The following SLIT2 variants were observed in gnomAD, a reference collection of about 807,000 sequenced individuals.
SLIT2 encodes the protein slit guidance ligand 2, also known as slit homolog 2 protein.
In SLIT2, 41 loss-of-function variants were observed where a neutral mutation model predicts 185.7. The ratio of observed to expected loss-of-function variants is 0.22; its 90% CI spans 0.17 to 0.29. SLIT2 has a LOEUF of 0.29. SLIT2 is among the 10% of genes least tolerant of loss of function. SLIT2 has a pLI of 1.00. For missense variants in SLIT2, 1,571 were observed against 1,909.0 expected (o/e 0.82, Z 3.30); for synonymous variants, 693 against 680.2 (o/e 1.02, Z -0.29).
At chr4:20,270,301 C>T (rs1394295162) in intron 4 of SLIT2, among the ~76,000 whole-genome samples, 1 of 151,818 alleles carries the variant, frequency 6.6e-6, no homozygotes, top group African/African-American at 2.4e-5. Context: ...TTTAAGGAAT[C>T]GACTTGGATT....
At chr4:20,494,772 C>T (rs139052113) in intron 9 of SLIT2, among the ~76,000 whole-genome samples, 1,613 of 146,488 alleles carry the variant, frequency 0.011, 20 homozygotes, top group African/African-American at 0.026. Flanking sequence ...AGCTAGACTC[C>T]GTCTCAAAAA....
intron 11 of SLIT2, among the ~76,000 whole-genome samples, chr4:20,516,807 A>C (rs767189796): frequency 1.1e-4 from 16 of 151,982 alleles, no homozygotes; most frequent in Admixed American, 2.6e-4. Context: ...TTTCTTTATT[A>C]TTTTTATGGT....
rs1327279820 is a variant in SLIT2 at position 20,252,583 on chromosome 4, G to C, written c.-1233G>C. Among the ~76,000 whole-genome samples the C allele has an allele frequency of 2.0e-5, 3 of 152,332 alleles. 1 individual carries two copies. In the Middle Eastern group the frequency reaches 0.01, roughly 518 times the overall value. On this transcript the variant is annotated 5_prime_UTR_variant, in exon 1 of 37. Transcript: ENST00000504154. Reference sequence around the variant, plus strand: ...GACGAACCACTAGTGGGAGACCGCCGGGGGCCGGCCGTGGCTCTGCGCCCT... The same window carrying C: ...GACGAACCACTAGTGGGAGACCGCCCGGGGCCGGCCGTGGCTCTGCGCCCT...
chr4:20,589,827 C>G, intron 30 of SLIT2, 90 bp downstream of exon 30: 1 of 828,944 alleles, frequency 1.2e-6, no homozygotes, highest in Non-Finnish European at 2.0e-6. Context: ...TAGCTTCACA[C>G]CTCTGCTCAG....
At chr4:20,433,635 TA>T (rs36088157) in intron 4 of SLIT2, among the ~76,000 whole-genome samples, 1 of 152,184 alleles carries the variant, frequency 6.6e-6, no homozygotes, top group South Asian at 2.1e-4. Flanking sequence ...ACTAACCTCT[TA>T]AAAAGGGAAT....
intron 4 of SLIT2, among the ~76,000 whole-genome samples, chr4:20,452,980 T>C (rs1712644609): frequency 2.0e-5 from 3 of 152,218 alleles, no homozygotes; most frequent in Admixed American, 6.5e-5. Context: ...TGCCCAACTC[T>C]CTTTTACATA....
At chr4:20,307,353 C>T (rs1001549907) in intron 4 of SLIT2, among the ~76,000 whole-genome samples, 12 of 150,898 alleles carry the variant, frequency 8.0e-5, no homozygotes, top group Non-Finnish European at 1.2e-4. Flanking sequence ...GCCTTGAATT[C>T]CTGGACTCAA....
chr4:20,314,756 A>G (rs550778828), intron 4 of SLIT2, among the ~76,000 whole-genome samples: 92 of 152,274 alleles, frequency 6.0e-4, no homozygotes, highest in Non-Finnish European at 1.1e-3. Flanking sequence ...TGAAAAAATG[A>G]TGTTAACAGG....
At chr4:20,378,552 A>T (rs751929939) in intron 4 of SLIT2, among the ~76,000 whole-genome samples, 2 of 152,176 alleles carry the variant, frequency 1.3e-5, no homozygotes, top group Non-Finnish European at 2.9e-5. Flanking sequence ...TCATCTATAT[A>T]GTTATCACAT....
chr4:20,383,031 A>G (rs1254574777), intron 4 of SLIT2, among the ~76,000 whole-genome samples: 1 of 152,212 alleles, frequency 6.6e-6, no homozygotes, highest in Non-Finnish European at 1.5e-5. Context: ...TCAAGAAATT[A>G]CCAAAGTAAT....
At chr4:20,430,745 G>T (rs775119628) in intron 4 of SLIT2, among the ~76,000 whole-genome samples, 4 of 152,128 alleles carry the variant, frequency 2.6e-5, no homozygotes, top group Non-Finnish European at 4.4e-5. Flanking sequence ...ATGGGGCCTC[G>T]TATTCTCATT....
chr4:20,348,862 C>G (rs1721646649), intron 4 of SLIT2, among the ~76,000 whole-genome samples: 1 of 152,180 alleles, frequency 6.6e-6, no homozygotes, highest in African/African-American at 2.4e-5. Context: ...GGCACTTTCA[C>G]AGAAATCCCA....
At chr4:20,487,745 A>G (rs1229054846) in intron 7 of SLIT2, among the ~76,000 whole-genome samples, 3 of 152,156 alleles carry the variant, frequency 2.0e-5, no homozygotes, top group Non-Finnish European at 4.4e-5. Context: ...TGTGTTCCTT[A>G]TCTATAAGCT....
At chr4:20,545,388 C>A (rs1723158088) in intron 21 of SLIT2, among the ~76,000 whole-genome samples, 1 of 151,810 alleles carries the variant, frequency 6.6e-6, no homozygotes, top group East Asian at 1.9e-4. Context: ...AACCTATTTT[C>A]TGATTATTCT....
At chr4:20,454,903 AT>A (rs976873589) in intron 4 of SLIT2, among the ~76,000 whole-genome samples, 2 of 152,144 alleles carry the variant, frequency 1.3e-5, no homozygotes, top group African/African-American at 4.8e-5. Flanking sequence ...ACACCATTAC[AT>A]TCTACCTTTT....
rs556408496 is a variant in SLIT2 at position 20,260,945 on chromosome 4, C to T, written c.323+3006C>T. Among the ~76,000 whole-genome samples, 5 of 150,952 alleles carry T rather than the reference C, an allele frequency of 3.3e-5. No homozygotes were observed. In the East Asian group the frequency reaches 9.7e-4, roughly 29 times the overall value. ...TCCTTACCTCTCTAACTAGCTCCTT[C>T]CCTCCCCTCTCCTCCATTCTCTTAC... On this transcript the variant is annotated intron_variant, in intron 3 of 36. Transcript: ENST00000504154.
At chr4:20,444,732 G>C (rs1226376058) in intron 4 of SLIT2, among the ~76,000 whole-genome samples, 1 of 152,032 alleles carries the variant, frequency 6.6e-6, no homozygotes, top group Non-Finnish European at 1.5e-5. Flanking sequence ...CCATTTTTAA[G>C]ATAAAAATTC....
rs761309358 is a variant in SLIT2, at chr4:20,589,672, C to T, written c.3117C>T (p.Phe1039=). The change falls in exon 30 of 37, where the codon TTC becomes TTT. Residue 1039 remains phenylalanine, a synonymous_variant. Transcript: ENST00000504154. Reference sequence around the variant, plus strand: ...AGTTGTGTGAGGAGAAGCTGGACTTCTGTGCCCAGGACCTGAACCCCTGCC... The same window carrying T: ...AGTTGTGTGAGGAGAAGCTGGACTTTTGTGCCCAGGACCTGAACCCCTGCC... The part of the protein sequence containing the change: ...TGELCEEKLD[F]CAQDLNPCQH... 4 of 1,613,882 alleles carry T rather than the reference C, an allele frequency of 2.5e-6. No individual in the cohort carries two copies. The highest frequency in any genetic ancestry group is 3.4e-6 in the Non-Finnish European group (4 of 1,179,974).
At position 20,484,766 on chromosome 4, in the gene SLIT2, C is replaced by T. The variant is rs1033802550; in HGVS notation, c.540-1434C>T. On this transcript the variant is annotated intron_variant, in intron 6 of 36. Coordinates refer to ENST00000504154, the MANE Select transcript of SLIT2 (RefSeq NM_004787.4). The surrounding 1 kb of genome is among the most constrained non-coding windows in gnomAD (Gnocchi z 4.3). ...TCTAAAAATTTTTATCTCTAGCTTC[C>T]CTTGGAAAATCTGATTGTTTGACAG... Among the ~76,000 whole-genome samples, 3 of 152,084 alleles carry T rather than the reference C, an allele frequency of 2.0e-5. No homozygotes were observed. Among genetic ancestry groups the T allele is most frequent in the Non-Finnish European group, 4.4e-5 (3 of 67,984 alleles).
Sources: allele counts gnomAD v4.1 joint callset (sites outside exome capture counted in the v4.1 genomes callset), GRCh38; gene constraint gnomAD v4.1.1; non-coding constraint Gnocchi (gnomAD v3.1); transcripts MANE v1.5; gene names NCBI Gene and HGNC (gene_info 2026-07-23, HGNC 2026-07-21).